FBXL18: variants seen among roughly 807,000 people sequenced by gnomAD.
FBXL18 encodes the protein F-box and leucine rich repeat protein 18.
FBXL18 carries 36 observed loss-of-function variants against 46.0 expected under a neutral mutation model. That is an observed-to-expected ratio of 0.78 (90% confidence interval 0.60 to 1.03). FBXL18 has a LOEUF of 1.03. FBXL18 is among the 50% of genes least tolerant of loss of function. The pLI, the probability that FBXL18 is intolerant of heterozygous loss-of-function variation, is 0.00. For missense variants in FBXL18, 977 were observed against 1,004.1 expected (o/e 0.97, Z 0.36); for synonymous variants, 557 against 465.3 (o/e 1.20, Z -2.54).
chr7:5,494,300 G>A (rs933481431), intron 3 of FBXL18, among the ~76,000 whole-genome samples: 2 of 151,758 alleles, frequency 1.3e-5, no homozygotes, highest in African/African-American at 4.8e-5. Context: ...TTAGCTGGGC[G>A]TGGCGGGGCA....
At position 5,501,280 on chromosome 7, in the gene FBXL18, TG is replaced by T; in HGVS notation, c.988del (p.His330IlefsTer2). 1 of 1,614,146 alleles carries T rather than the reference TG, an allele frequency of 6.2e-7. No individual in the cohort carries two copies. Among genetic ancestry groups the T allele is most frequent in the East Asian group, 2.2e-5 (1 of 44,886 alleles). ...GCCGTTGATGACCTGCTGGATCAGA[TG>T]GCCGCCTGACAGGGTACAGCGGCTG... is the stretch of plus-strand genomic sequence containing the variant. Reference protein sequence around the residue: ...SFSRCTLSGGHLIQQVINGGK... With the variant: ...SFSRCTLSGGXLIQQVINGGK... On this transcript the variant is annotated frameshift_variant, in exon 3 of 5. Coordinates refer to ENST00000382368, the MANE Select transcript of FBXL18 (RefSeq NM_024963.6). LOFTEE classifies it high-confidence loss of function.
At position 5,490,953 on chromosome 7, in the gene FBXL18, C is replaced by T. The variant is rs751808035; in HGVS notation, c.2000+278G>A. On this transcript the variant is annotated intron_variant, in intron 4 of 4. Coordinates refer to ENST00000382368, the MANE Select transcript of FBXL18 (RefSeq NM_024963.6). Reference sequence around the variant, plus strand: ...CAGCCTGGGCAACACAGTGAGACTCCGTCTCAAAAGTAATAATAATAATAA... The same window carrying T: ...CAGCCTGGGCAACACAGTGAGACTCTGTCTCAAAAGTAATAATAATAATAA... Among the ~76,000 whole-genome samples, 202 of 152,154 alleles carry T rather than the reference C, an allele frequency of 1.3e-3. 4 individuals are homozygous for T. Among genetic ancestry groups the T allele is most frequent in the Non-Finnish European group, 3.7e-4 (25 of 68,048 alleles).
intron 4 of FBXL18, among the ~76,000 whole-genome samples, chr7:5,464,249 C>G (rs922245961): frequency 1.3e-4 from 19 of 151,820 alleles, no homozygotes; most frequent in Admixed American, 4.6e-4. Context: ...GAGGCCGAGG[C>G]AGGCGGATCA....
At position 5,481,854 on chromosome 7, in the gene FBXL18, TC is replaced by T. The variant is rs1209712933; in HGVS notation, c.2077del (p.Asp693ThrfsTer87). 1 of 1,613,826 alleles carries T rather than the reference TC, an allele frequency of 6.2e-7. No individual in the cohort carries two copies. The highest frequency in any genetic ancestry group is 2.2e-5 in the East Asian group (1 of 44,886). On this transcript the variant is annotated frameshift_variant, in exon 5 of 5. Coordinates refer to ENST00000382368, the MANE Select transcript of FBXL18 (RefSeq NM_024963.6). LOFTEE classifies it high-confidence loss of function. ...LHEGLTDVIR[D>X]VPLVHLDEIT... The stretch of plus-strand genomic sequence containing the variant: ...CTCATCCAGGTGCACCAGGGGGACG[TC>T]CCGGATGACGTCGGTCAGGCCCTCG...
At chr7:5,511,618 A>C (rs1201807292) in intron 1 of FBXL18, among the ~76,000 whole-genome samples, 1 of 150,706 alleles carries the variant, frequency 6.6e-6, no homozygotes, top group Non-Finnish European at 1.5e-5. Flanking sequence ...AAAAAAAAAA[A>C]TCAGCCAGGT....
In FBXL18 at chr7:5,467,061, T is replaced by A. The variant is rs1783351328; in HGVS notation, c.2001-19218A>T. ...GCGAAACCCTGTCTCGATTAAAAAT[T>A]TAAAAATTGGCCGGGCACAGTGGCT... On this transcript the variant is annotated intron_variant and NMD_transcript_variant, in intron 4 of 6. Transcript: ENST00000415009. Among the ~76,000 whole-genome samples the A allele has an allele frequency of 3.3e-5, 5 of 151,968 alleles. No homozygotes were observed. The South Asian group carries it at 1.0e-3, about 32-fold the overall frequency.
chr7:5,504,809 G>A (rs1203288344), intron 2 of FBXL18, among the ~76,000 whole-genome samples: 23 of 147,150 alleles, frequency 1.6e-4, no homozygotes, highest in Non-Finnish European at 3.1e-4. Flanking sequence ...CCAGGTACTC[G>A]GGAGGCTGAG....
chr7:5,510,676 A>AC, intron 1 of FBXL18, among the ~76,000 whole-genome samples: 1 of 146,216 alleles, frequency 6.8e-6, no homozygotes, highest in East Asian at 2.0e-4. Flanking sequence ...ACAGAGTGAG[A>AC]TCCTGTCTCC....
intron 4 of FBXL18, among the ~76,000 whole-genome samples, chr7:5,482,494 AC>A (rs34639864): frequency 0.012 from 1,453 of 124,356 alleles, 2 homozygotes; most frequent in Middle Eastern, 0.021. Flanking sequence ...CAGGTAGGCG[AC>A]CCCCCCCCAA....
rs772950988 is a variant in FBXL18 at position 5,481,923 on chromosome 7, G to A, written c.2009C>T (p.Ala670Val). 19 of 1,604,416 alleles carry A rather than the reference G, an allele frequency of 1.2e-5. No individual in the cohort carries two copies. In the Admixed American group the frequency reaches 2.7e-4, roughly 23 times the overall value. Residue 670 changes from alanine (A) to valine (V), a missense_variant, in exon 5 of 5, where the codon GCC (alanine) becomes GTC (valine). Physicochemically the swap from Ala to Val is moderately conservative, Grantham distance 64. Transcript: ENST00000382368. ...LQQSLLRSFQAERPALNVVIF... is the reference protein window; with the variant it reads ...LQQSLLRSFQVERPALNVVIF... Reference sequence around the variant, plus strand: ...GACGACGTTTAACGCGGGCCGCTCGGCCTGGAAGCTGAACCAGAGACAGGC... The same window carrying A: ...GACGACGTTTAACGCGGGCCGCTCGACCTGGAAGCTGAACCAGAGACAGGC...
rs376586905 is a variant in FBXL18, at chr7:5,501,172, G to A, written c.1097C>T (p.Ala366Val). The A allele has an allele frequency of 7.2e-5, 116 of 1,613,064 alleles. No homozygotes were observed. The highest frequency in any genetic ancestry group is 9.9e-5 in the South Asian group (9 of 91,050). ...CLSPDSLLRK[A>V]EDDIDSSILE... ...GATGCTGCTGTCGATGTCGTCCTCC[G>A]CCTTGCGGAGCAGCGAGTCTGGGGA... Residue 366 changes from alanine (A) to valine (V), a missense_variant, in exon 3 of 5, where the codon GCG (alanine) becomes GTG (valine). Physicochemically the swap from Ala to Val is moderately conservative, Grantham distance 64. Coordinates refer to ENST00000382368, the MANE Select transcript of FBXL18 (RefSeq NM_024963.6).
chr7:5,455,836 T>C lies in FBXL18; in HGVS notation c.2001-7993A>G, dbSNP rs1486909026. On this transcript the variant is annotated intron_variant and NMD_transcript_variant, in intron 4 of 6. Transcript: ENST00000415009. This position sits in a 1 kb window ranked among gnomAD's most constrained non-coding sequence, Gnocchi z 4.6. The stretch of plus-strand genomic sequence containing the variant: ...GTTTGGTCCTTCAGCAAGATCACAC[T>C]CTTCTCCATATGACCCCAGCCAATG... Among the ~76,000 whole-genome samples, 5 of 148,126 alleles carry C rather than the reference T, an allele frequency of 3.4e-5. No individual in the cohort carries two copies. Among genetic ancestry groups the C allele is most frequent in the Non-Finnish European group, 7.4e-5 (5 of 67,434 alleles).
At chr7:5,500,360 C>T (rs1438656590) in intron 3 of FBXL18, 128 bp downstream of exon 3, 11 of 825,480 alleles carry the variant, frequency 1.3e-5, no homozygotes, top group East Asian at 7.9e-5. Flanking sequence ...CGACGTGGCA[C>T]GCTGCGAGGC....
chr7:5,466,309 C>T (rs1295205154), intron 4 of FBXL18, among the ~76,000 whole-genome samples: 10 of 152,168 alleles, frequency 6.6e-5, no homozygotes, highest in Admixed American at 5.9e-4. Context: ...GTCAGAAGTC[C>T]GAGATAGGTC....
At chr7:5,507,546 C>T (rs1268316100) in intron 1 of FBXL18, among the ~76,000 whole-genome samples, 1 of 152,078 alleles carries the variant, frequency 6.6e-6, no homozygotes, top group Admixed American at 6.6e-5. Flanking sequence ...TAATAATTAG[C>T]AGAACAAGGC....
chr7:5,494,260 G>A (rs1175743129), intron 3 of FBXL18, among the ~76,000 whole-genome samples: 1 of 147,870 alleles, frequency 6.8e-6, no homozygotes, highest in Non-Finnish European at 1.5e-5. Flanking sequence ...CAACAAGAGT[G>A]AAACTCCATC....
At chr7:5,505,718 C>A in intron 1 of FBXL18, 88 bp from the exon 2 acceptor site, 1 of 1,098,862 alleles carries the variant, frequency 9.1e-7, no homozygotes, top group South Asian at 1.4e-5. Context: ...CAAAGAGAAG[C>A]CCTTATCCAT....
chr7:5,467,003 C>T (rs1328204413), intron 4 of FBXL18, among the ~76,000 whole-genome samples: 5 of 151,966 alleles, frequency 3.3e-5, no homozygotes, highest in Admixed American at 1.3e-4. Flanking sequence ...GATCACCTGA[C>T]GTCAGGAGTT....
At chr7:5,486,709 G>A (rs899930273) in intron 4 of FBXL18, among the ~76,000 whole-genome samples, 17 of 152,210 alleles carry the variant, frequency 1.1e-4, no homozygotes, top group African/African-American at 3.9e-4. Flanking sequence ...AGTCGTGTGT[G>A]AAGGTGAGTC....
Sources: allele counts gnomAD v4.1 joint callset (sites outside exome capture counted in the v4.1 genomes callset), GRCh38; gene constraint gnomAD v4.1.1; non-coding constraint Gnocchi (gnomAD v3.1); transcripts MANE v1.5; gene names NCBI Gene and HGNC (gene_info 2026-07-23, HGNC 2026-07-21).